The following GSTM2 variants were observed in gnomAD, a reference collection of about 807,000 sequenced individuals.
GSTM2 encodes GST class-mu 2.
In GSTM2, 33 loss-of-function variants were observed where a neutral mutation model predicts 33.3. That is an observed-to-expected ratio of 0.99 (90% CI 0.75 to 1.33). The LOEUF (loss-of-function observed/expected upper bound fraction) is 1.33. Ranked by LOEUF, GSTM2 falls within the 40% of genes most tolerant of loss-of-function variation. The probability of loss-of-function intolerance (pLI) is 0.00; values close to 1 mark genes in which losing one functional copy is unlikely to be tolerated. For missense variants in GSTM2, 213 were observed against 265.8 expected (o/e 0.80, Z 1.38); for synonymous variants, 93 against 95.6 (o/e 0.97, Z 0.16).
At chr1:109,677,559 A>T (rs1168442282), downstream of GSTM2, among the ~76,000 whole-genome samples, 2 of 152,220 alleles carry the variant, frequency 1.3e-5, no homozygotes, top group Non-Finnish European at 2.9e-5. Context: ...AGGAGAAAGG[A>T]CACACAATCT....
Position 109,668,132 on chromosome 1 carries a change from G to C in GSTM2, c.17G>C (p.Gly6Ala), listed in dbSNP as rs561058663. Reference sequence around the variant, plus strand: ...ACCAGCACCATGCCCATGACACTGGGGTACTGGAACATCCGCGGGGTGAGC... The same window carrying C: ...ACCAGCACCATGCCCATGACACTGGCGTACTGGAACATCCGCGGGGTGAGC... MPMTL[G>A]YWNIRGLAHS... Residue 6 changes from glycine to alanine, a missense_variant, in exon 1 of 8, where the codon GGG becomes GCG. Gly to Ala is a moderately conservative substitution (Grantham distance 60, BLOSUM62 0). Transcript: ENST00000241337. 1.9e-6 allele frequency: 3 copies of C among 1,614,050 alleles called. No homozygotes were observed. In the African/African-American group the frequency reaches 4.0e-5, roughly 22 times the overall value.
chr1:109,674,201 C>T (rs1484058220), intron 7 of GSTM2, among the ~76,000 whole-genome samples: 6 of 151,962 alleles, frequency 3.9e-5, no homozygotes, highest in African/African-American at 1.2e-4. Context: ...GTCTCTATAC[C>T]CAGACAAGCC....
downstream of GSTM2, among the ~76,000 whole-genome samples, chr1:109,676,053 C>G (rs1411580578): frequency 6.6e-6 from 1 of 152,190 alleles, no homozygotes; most frequent in Non-Finnish European, 1.5e-5. Context: ...GGGGAACTCC[C>G]ACTTATAAAA....
chr1:109,682,615 C>T (rs1647880579), intron 7 of GSTM2, among the ~76,000 whole-genome samples: 1 of 128,236 alleles, frequency 7.8e-6, no homozygotes, highest in Non-Finnish European at 1.9e-5. Flanking sequence ...TTATTGCTTC[C>T]ACTTCTTTTT....
intron 2 of GSTM2, chr1:109,668,702 G>C (rs1249606079): frequency 2.5e-6 from 2 of 792,396 alleles, no homozygotes; most frequent in Non-Finnish European, 4.2e-6. Flanking sequence ...TAATTATGAT[G>C]GGTGTCCCTC....
In GSTM2 at chr1:109,668,487, C is replaced by T; in HGVS notation, c.99C>T (p.Tyr33=). Residue 33 remains tyrosine (Y), a synonymous_variant, in exon 2 of 8, where the codon TAC becomes TAT. Transcript: ENST00000241337. ...YTDSSYEEKK[Y]TMGDAPDYDR... The stretch of plus-strand genomic sequence containing the variant: ...ACTCAAGCTACGAGGAAAAGAAGTA[C>T]ACGATGGGGGACGGTAATGGCACCC... 2 of 1,614,166 alleles carry T rather than the reference C, an allele frequency of 1.2e-6. No homozygotes were observed. Among genetic ancestry groups the T allele is most frequent in the Non-Finnish European group, 1.7e-6 (2 of 1,179,998 alleles).
At chr1:109,679,982 C>T (rs981963087), downstream of GSTM2, among the ~76,000 whole-genome samples, 1 of 152,180 alleles carries the variant, frequency 6.6e-6, no homozygotes, top group Non-Finnish European at 1.5e-5. Context: ...TCCATCTCCG[C>T]CTATCCTGGG....
chr1:109,669,818 C>T (rs896845179), intron 5 of GSTM2: 7 of 504,232 alleles, frequency 1.4e-5, no homozygotes, highest in African/African-American at 3.8e-5. Flanking sequence ...GTCTTGCTGA[C>T]TTCAGGGGTG....
chr1:109,678,328 G>A (rs71665009), downstream of GSTM2, among the ~76,000 whole-genome samples: 4 of 152,020 alleles, frequency 2.6e-5, no homozygotes, highest in Admixed American at 2.6e-4. Flanking sequence ...GTAGAGATGA[G>A]GTTTTGCCAT....
intron 7 of GSTM2, among the ~76,000 whole-genome samples, chr1:109,672,706 T>C (rs989011376): frequency 1.3e-5 from 2 of 152,206 alleles, no homozygotes; most frequent in Admixed American, 1.3e-4. Context: ...ACAGGCAGTA[T>C]TCACAGCTAC....
rs890834790 is a variant in GSTM2 at position 109,672,001 on chromosome 1, C to G, written c.567+418C>G. The stretch of plus-strand genomic sequence containing the variant: ...AAAAAAAAAAAAAAAAAAAAGGAGC[C>G]GGGCATGGTGGCTCACACTTGTAAT... On this transcript the variant is annotated intron_variant, in intron 7 of 7. Coordinates refer to ENST00000241337, the MANE Select transcript of GSTM2 (RefSeq NM_000848.4). Among the ~76,000 whole-genome samples, 65 of 146,688 alleles carry G rather than the reference C, an allele frequency of 4.4e-4. 1 individual carries two copies. The highest frequency in any genetic ancestry group is 1.6e-4 in the Non-Finnish European group (11 of 67,070).
At chr1:109,669,795 C>T (rs1325762391) in intron 5 of GSTM2, 18 of 531,702 alleles carry the variant, frequency 3.4e-5, no homozygotes, top group South Asian at 2.0e-4. Flanking sequence ...TTCTTCCTTC[C>T]GGTGGGTTTG....
intron 7 of GSTM2, among the ~76,000 whole-genome samples, 195 bp downstream of exon 7, chr1:109,671,778 C>T (rs1647552525): frequency 6.6e-6 from 1 of 151,952 alleles, no homozygotes; most frequent in Non-Finnish European, 1.5e-5. Context: ...ACCTGCCTGC[C>T]CAACATGGCA....
Position 109,674,866 on chromosome 1 carries a change from G to A in GSTM2, c.*30G>A. ...TTGAAGGCCAGGAGGTGGGAGTGAG[G>A]AGCCCATACTCAGCCTGCTGCCCAG... On this transcript the variant is annotated 3_prime_UTR_variant, in exon 8 of 8. Transcript: ENST00000241337. The A allele has an allele frequency of 6.2e-7, 1 of 1,613,246 alleles. No individual in the cohort carries two copies. The highest frequency in any genetic ancestry group is 8.5e-7 in the Non-Finnish European group (1 of 1,179,386).
At chr1:109,668,196 C>A in intron 1 of GSTM2, 45 bp downstream of exon 1, 1 of 1,343,808 alleles carries the variant, frequency 7.4e-7, no homozygotes, top group Non-Finnish European at 1.1e-6. Flanking sequence ...TGCGTGGGGG[C>A]GGGGAAGTGT....
chr1:109,679,980 C>T (rs1484977835), downstream of GSTM2, among the ~76,000 whole-genome samples: 11 of 152,242 alleles, frequency 7.2e-5, no homozygotes, highest in East Asian at 1.4e-3. Context: ...CATCCATCTC[C>T]GCCTATCCTG....
intron 7 of GSTM2, chr1:109,673,140 G>A: frequency 6.3e-7 from 1 of 1,591,686 alleles, no homozygotes; most frequent in African/African-American, 1.3e-5. Flanking sequence ...TAAGTGCTGG[G>A]ATTACAAGCG....
At chr1:109,672,412 A>G (rs1647578697) in intron 7 of GSTM2, among the ~76,000 whole-genome samples, 1 of 152,216 alleles carries the variant, frequency 6.6e-6, no homozygotes, top group African/African-American at 2.4e-5. Context: ...TGGTAGAATT[A>G]TCTCCCCCAT....
At chr1:109,674,435 ATTC>A (rs1647647939) in intron 7 of GSTM2, among the ~76,000 whole-genome samples, 1 of 152,162 alleles carries the variant, frequency 6.6e-6, no homozygotes, top group Non-Finnish European at 1.5e-5. Flanking sequence ...GTGATAATAG[ATTC>A]AGCCTTGCAG....
Sources: gnomAD v4.1 joint callset for allele counts (sites outside exome capture counted in the v4.1 genomes callset) on GRCh38, gnomAD v4.1.1 for gene constraint, MANE v1.5 for transcripts, NCBI Gene and HGNC (gene_info 2026-07-23, HGNC 2026-07-21) for gene names.